Variants in CFAP20DC observed in about 807,000 individuals in gnomAD.
The protein encoded by CFAP20DC is protein CFAP20DC.
In CFAP20DC, 84 loss-of-function variants were observed where a neutral mutation model predicts 101.7. The ratio of observed to expected loss-of-function variants is 0.83; its 90% CI spans 0.69 to 0.99. CFAP20DC has a LOEUF of 0.99. Ranked by LOEUF, CFAP20DC falls within the 50% of genes least tolerant of loss-of-function variation. The pLI, the probability that CFAP20DC is intolerant of heterozygous loss-of-function variation, is 0.00. For missense variants in CFAP20DC, 1,007 were observed against 970.3 expected (o/e 1.04, Z -0.50); for synonymous variants, 359 against 351.2 (o/e 1.02, Z -0.25).
At chr3:58,759,838 T>C (rs1326594667) in intron 15 of CFAP20DC, among the ~76,000 whole-genome samples, 3 of 152,184 alleles carry the variant, frequency 2.0e-5, no homozygotes, top group Non-Finnish European at 1.5e-5. Flanking sequence ...AAAGATCAGA[T>C]GGTTGTAGAT....
intron 6 of CFAP20DC, among the ~76,000 whole-genome samples, chr3:58,890,342 C>T (rs2082074288): frequency 7.4e-6 from 1 of 135,470 alleles, no homozygotes; most frequent in Non-Finnish European, 1.6e-5. Flanking sequence ...GACGGGGCGG[C>T]TGGCCGGGCA....
intron 4 of CFAP20DC, among the ~76,000 whole-genome samples, chr3:59,021,609 T>G (rs2093803909): frequency 6.6e-6 from 1 of 152,216 alleles, no homozygotes; most frequent in East Asian, 1.9e-4. Context: ...ATCCTGATTA[T>G]TATTTCAAAT....
rs1302381144 is a variant in CFAP20DC at position 58,724,345 on chromosome 3, T to C, written c.198-6717A>G. The stretch of plus-strand genomic sequence containing the variant: ...CATAAAAATATGGGACAATAAGTTG[T>C]GGAAAGCCACAAGAGGTCTCTGAGG... On this transcript the variant is annotated intron_variant, in intron 3 of 3. Coordinates refer to the CFAP20DC transcript ENST00000486145. This position sits in a 1 kb window ranked among gnomAD's most constrained non-coding sequence, Gnocchi z 5.6. Among the ~76,000 whole-genome samples, 4 of 152,166 alleles carry C rather than the reference T, an allele frequency of 2.6e-5. No homozygotes were observed. Among genetic ancestry groups the C allele is most frequent in the Non-Finnish European group, 5.9e-5 (4 of 68,030 alleles).
At chr3:58,945,773 T>C (rs1156666816) in intron 4 of CFAP20DC, among the ~76,000 whole-genome samples, 1 of 151,112 alleles carries the variant, frequency 6.6e-6, no homozygotes, top group Non-Finnish European at 1.5e-5. Context: ...GTCGGCTCAC[T>C]GCAACCTCCG....
At chr3:59,003,584 T>C (rs912424909) in intron 4 of CFAP20DC, among the ~76,000 whole-genome samples, 1 of 152,198 alleles carries the variant, frequency 6.6e-6, no homozygotes, top group African/African-American at 2.4e-5. Flanking sequence ...TATAAGCCTA[T>C]ATACAAACAG....
chr3:58,996,052 A>G (rs989955791), intron 4 of CFAP20DC, among the ~76,000 whole-genome samples: 3 of 150,906 alleles, frequency 2.0e-5, no homozygotes, highest in African/African-American at 7.3e-5. Context: ...GAGAGCCCAG[A>G]TTAATATAAT....
chr3:58,825,937 C>A (rs1373249183), intron 14 of CFAP20DC, among the ~76,000 whole-genome samples: 2 of 152,128 alleles, frequency 1.3e-5, no homozygotes, highest in Non-Finnish European at 2.9e-5. Flanking sequence ...TATCTAAACA[C>A]CTTTTAAACA....
chr3:58,863,096 A>G lies in CFAP20DC; in HGVS notation c.1593+462T>C. ...GCACAACTCTTCAAATTCTGGGACC[A>G]TATGGAAAATAATGAGTCCTAATAG... On this transcript the variant is annotated intron_variant, in intron 12 of 16. Transcript: ENST00000482387. The surrounding 1 kb of genome is among the most constrained non-coding windows in gnomAD (Gnocchi z 5.9). 2.0e-6 allele frequency: 2 copies of G among 1,000,210 alleles called. No homozygotes were observed. Among genetic ancestry groups the G allele is most frequent in the Non-Finnish European group, 1.2e-6 (1 of 840,256 alleles). The allele number at this position is 1,000,210 out of a possible 1,614,324, so 62.0% of individuals were successfully genotyped here.
chr3:58,933,466 C>T (rs373810554), intron 5 of CFAP20DC, among the ~76,000 whole-genome samples: 8 of 152,070 alleles, frequency 5.3e-5, no homozygotes, highest in Admixed American at 3.3e-4. Context: ...CAACAGAATA[C>T]ACATTCTTTT....
rs912118403 is a variant in CFAP20DC, at chr3:58,898,410, A to C, written c.551-13701T>G. On this transcript the variant is annotated intron_variant, in intron 6 of 16. Transcript: ENST00000482387. ...GTCTGGTCTGAAACTCCTGAGCTCA[A>C]GTGATCCACATGCTTTGGCCTCCCA... Among the ~76,000 whole-genome samples, 7 of 152,260 alleles carry C rather than the reference A, an allele frequency of 4.6e-5. No individual in the cohort carries two copies. In the East Asian group the frequency reaches 1.4e-3, roughly 29 times the overall value.
intron 7 of CFAP20DC, among the ~76,000 whole-genome samples, chr3:58,877,941 G>A (rs1158714059): frequency 6.6e-6 from 1 of 152,084 alleles, no homozygotes; most frequent in East Asian, 1.9e-4. Context: ...ATAGTGCTGT[G>A]GGGACTGGGG....
chr3:58,751,922 A>T (rs1212806997), intron 16 of CFAP20DC, among the ~76,000 whole-genome samples: 1 of 152,198 alleles, frequency 6.6e-6, no homozygotes, highest in African/African-American at 2.4e-5. Flanking sequence ...GGTGTCTGGC[A>T]TAAAGTAAGT....
In CFAP20DC at chr3:58,799,322, G is replaced by A. The variant is rs1460470947; in HGVS notation, c.2237+7073C>T. Among the ~76,000 whole-genome samples, 3 of 152,158 alleles carry A rather than the reference G, an allele frequency of 2.0e-5. No individual in the cohort carries two copies. The highest frequency in any genetic ancestry group is 4.4e-5 in the Non-Finnish European group (3 of 68,030). On this transcript the variant is annotated intron_variant, in intron 15 of 16. Transcript: ENST00000482387. This position sits in a 1 kb window ranked among gnomAD's most constrained non-coding sequence, Gnocchi z 4.9. ...TAGAAAACTGTCTCTATTTAAAGGT[G>A]TAAAATGATATCAGATACTTTATAT...
intron 14 of CFAP20DC, among the ~76,000 whole-genome samples, chr3:58,811,458 G>C (rs1047202993): frequency 6.6e-6 from 1 of 152,082 alleles, no homozygotes; most frequent in African/African-American, 2.4e-5. Context: ...ATGGGGAAAG[G>C]ATTCCCTATT....
At chr3:59,016,081 A>G (rs1023716961) in intron 4 of CFAP20DC, among the ~76,000 whole-genome samples, 1 of 152,104 alleles carries the variant, frequency 6.6e-6, no homozygotes, top group Admixed American at 6.6e-5. Flanking sequence ...ATGACCTGCT[A>G]AAAATATGGA....
chr3:58,742,417 T>C lies in CFAP20DC; in HGVS notation c.*43A>G, dbSNP rs780883487. On this transcript the variant is annotated 3_prime_UTR_variant, in exon 17 of 17. Coordinates refer to ENST00000482387, the MANE Select transcript of CFAP20DC (RefSeq NM_001394063.1). ...CTTAAGCGACCCTGAACTGCTATTCTGCTCCAGCTGGGAGTGCCTGCTCTC... is the reference window on the plus strand; with the variant it reads ...CTTAAGCGACCCTGAACTGCTATTCCGCTCCAGCTGGGAGTGCCTGCTCTC... 2 of 1,552,782 alleles carry C rather than the reference T, an allele frequency of 1.3e-6. No individual in the cohort carries two copies. The highest frequency in any genetic ancestry group is 1.9e-5 in the Admixed American group (1 of 53,928).
intron 14 of CFAP20DC, among the ~76,000 whole-genome samples, chr3:58,814,564 A>T (rs958448239): frequency 4.6e-5 from 7 of 151,410 alleles, no homozygotes; most frequent in African/African-American, 1.7e-4. Flanking sequence ...AGGAAGTCAA[A>T]TTGTCTCTGT....
intron 7 of CFAP20DC, among the ~76,000 whole-genome samples, chr3:58,884,264 G>A (rs1321998007): frequency 6.6e-6 from 1 of 152,162 alleles, no homozygotes; most frequent in Non-Finnish European, 1.5e-5. Flanking sequence ...TAAAGTTACT[G>A]TTTCCCGTAA....
intron 4 of CFAP20DC, among the ~76,000 whole-genome samples, chr3:58,997,295 C>T (rs2093166472): frequency 6.6e-6 from 1 of 152,116 alleles, no homozygotes; most frequent in African/African-American, 2.4e-5. Context: ...TATCTCTACC[C>T]TATAGATGAG....
Sources: gnomAD v4.1 joint callset for allele counts (sites outside exome capture counted in the v4.1 genomes callset) on GRCh38, gnomAD v4.1.1 for gene constraint, Gnocchi (gnomAD v3.1) non-coding constraint, MANE v1.5 for transcripts, NCBI Gene and HGNC (gene_info 2026-07-23, HGNC 2026-07-21) for gene names.